GLIPR2: variants seen among roughly 807,000 people sequenced by gnomAD.
The protein encoded by GLIPR2 is GLI pathogenesis related 2, also known as Golgi-associated plant pathogenesis-related protein 1.
A neutral mutation model predicts 20.4 loss-of-function variants in GLIPR2; 21 were observed. That is an observed-to-expected ratio of 1.03 (90% CI 0.73 to 1.48). GLIPR2 has a LOEUF of 1.48. Ranked by LOEUF, GLIPR2 falls within the 40% of genes most tolerant of loss-of-function variation. The pLI, the probability that GLIPR2 is intolerant of heterozygous loss-of-function variation, is 0.00. For synonymous variants in GLIPR2, 91 were observed against 80.5 expected, an observed-to-expected ratio of 1.13 and a Z score of -0.70; for missense variants, 205 against 200.1, an observed-to-expected ratio of 1.02 and a Z score of -0.15.
At chr9:36,148,141 G>A (rs577324930) in intron 2 of GLIPR2, among the ~76,000 whole-genome samples, 1 of 152,104 alleles carries the variant, frequency 6.6e-6, no homozygotes, top group Non-Finnish European at 1.5e-5. Context: ...CCAGCTACTC[G>A]AGAGGCTGAG....
upstream of GLIPR2, chr9:36,136,654 G>T: frequency 1.5e-6 from 1 of 686,772 alleles, no homozygotes; most frequent in Non-Finnish European, 2.0e-6. This position sits in a 1 kb window ranked among gnomAD's most constrained non-coding sequence, Gnocchi z 4.3. Flanking sequence ...CTTATAAGGC[G>T]GGGGCCGGGC....
intron 1 of GLIPR2, among the ~76,000 whole-genome samples, chr9:36,138,152 T>C (rs951136197): frequency 6.6e-6 from 1 of 152,168 alleles, no homozygotes; most frequent in African/African-American, 2.4e-5. Flanking sequence ...TTTCGAGATA[T>C]CTGCTTGGGA....
intron 1 of GLIPR2, chr9:36,144,385 C>G (rs555230194): frequency 2.6e-5 from 4 of 152,200 alleles, no homozygotes; most frequent in Admixed American, 6.5e-5. Context: ...TGCAACAGAG[C>G]TCCACAACTT....
At chr9:36,150,194 A>C (rs1046700863) in intron 3 of GLIPR2, among the ~76,000 whole-genome samples, 7 of 152,214 alleles carry the variant, frequency 4.6e-5, no homozygotes, top group Admixed American at 3.9e-4. Flanking sequence ...TGGAAGCAGA[A>C]ATGCAGAATC....
At chr9:36,148,969 A>G (rs1476502035) in intron 3 of GLIPR2, among the ~76,000 whole-genome samples, 10 of 152,202 alleles carry the variant, frequency 6.6e-5, no homozygotes, top group Middle Eastern at 3.2e-3. Flanking sequence ...ACAGAATCTC[A>G]GCCTGATTCT....
chr9:36,143,060 G>A (rs1411120489), intron 1 of GLIPR2, among the ~76,000 whole-genome samples: 1 of 152,132 alleles, frequency 6.6e-6, no homozygotes, highest in Non-Finnish European at 1.5e-5. Context: ...TTGGACACAG[G>A]AACTTTCACT....
intron 4 of GLIPR2, among the ~76,000 whole-genome samples, chr9:36,152,160 C>A (rs1825613987): frequency 6.6e-6 from 1 of 152,192 alleles, no homozygotes; most frequent in Non-Finnish European, 1.5e-5. Flanking sequence ...TCTCCATTAA[C>A]CCCTGCAGGA....
Position 36,147,901 on chromosome 9 carries a change from C to T in GLIPR2, c.122+7C>T. ...TCAACCGGGAGGCTCAACAGTGAGTCCCCTAGCACATCCGGGTAACTTGGC... is the reference window on the plus strand; with the variant it reads ...TCAACCGGGAGGCTCAACAGTGAGTTCCCTAGCACATCCGGGTAACTTGGC... On this transcript the variant is annotated splice_region_variant and intron_variant, in intron 2 of 4. Coordinates refer to ENST00000377960, the MANE Select transcript of GLIPR2 (RefSeq NM_022343.4). The T allele has an allele frequency of 3.9e-6, 5 of 1,284,924 alleles. No homozygotes were observed. The highest frequency in any genetic ancestry group is 5.7e-6 in the Non-Finnish European group (5 of 879,832). The allele number at this position is 1,284,924 out of a possible 1,614,324, so 79.6% of individuals were successfully genotyped here.
chr9:36,154,155 C>G (rs1389779092), intron 4 of GLIPR2, among the ~76,000 whole-genome samples: 2 of 149,538 alleles, frequency 1.3e-5, no homozygotes, highest in East Asian at 4.0e-4. Flanking sequence ...AGTGCAGTGG[C>G]ACAATCTCGG....
At chr9:36,139,175 G>T (rs1459909889) in intron 1 of GLIPR2, among the ~76,000 whole-genome samples, 1 of 152,084 alleles carries the variant, frequency 6.6e-6, no homozygotes, top group Non-Finnish European at 1.5e-5. Context: ...CTGCACGATG[G>T]GATGATGGCT....
Position 36,157,253 on chromosome 9 carries a change from C to A in GLIPR2, c.305-5109C>A, listed in dbSNP as rs371277028. On this transcript the variant is annotated intron_variant, in intron 4 of 4. Coordinates refer to ENST00000377960, the MANE Select transcript of GLIPR2 (RefSeq NM_022343.4). ...CTATGTTGGCCAGGCTGGTCTCGAACTCCTGACCTCTTGATCTGCCCACCT... is the reference window on the plus strand; with the variant it reads ...CTATGTTGGCCAGGCTGGTCTCGAAATCCTGACCTCTTGATCTGCCCACCT... Among the ~76,000 whole-genome samples, 39 of 150,456 alleles carry A rather than the reference C, an allele frequency of 2.6e-4. 1 individual carries two copies. The South Asian group carries it at 8.0e-3, about 31-fold the overall frequency.
chr9:36,155,938 GGC>G (rs1825810001), intron 4 of GLIPR2, among the ~76,000 whole-genome samples: 1 of 151,990 alleles, frequency 6.6e-6, no homozygotes, highest in African/African-American at 2.4e-5. Context: ...GGCTGGGCAC[GGC>G]AGCTCACACC....
chr9:36,154,725 C>G (rs1825755725), intron 4 of GLIPR2, among the ~76,000 whole-genome samples: 1 of 152,190 alleles, frequency 6.6e-6, no homozygotes, highest in Admixed American at 6.5e-5. Flanking sequence ...TAGCTTAATT[C>G]CCTCTGTGCA....
At chr9:36,154,107 C>T (rs971758715) in intron 4 of GLIPR2, among the ~76,000 whole-genome samples, 4 of 145,880 alleles carry the variant, frequency 2.7e-5, no homozygotes, top group South Asian at 2.1e-4. Context: ...CTTTTCCCCC[C>T]CCCTTTGAGA....
rs1826123899 is a variant in GLIPR2 at position 36,162,915 on chromosome 9, C to CATGCGT, written c.*394_*399dup. ...AGTGAAGTTCATTTTATGTGATCTT[C>CATGCGT]ATGCGTCGTAATCTACTTTTGGTAG... On this transcript the variant is annotated 3_prime_UTR_variant, in exon 5 of 5. Coordinates refer to ENST00000377960, the MANE Select transcript of GLIPR2 (RefSeq NM_022343.4). 2.2e-6 allele frequency: 1 copy of CATGCGT among 457,962 alleles called. No individual in the cohort carries two copies. Among genetic ancestry groups the CATGCGT allele is most frequent in the Non-Finnish European group, 4.4e-6 (1 of 229,166 alleles). The allele number at this position is 457,962 out of a possible 1,614,324, so 28.4% of individuals were successfully genotyped here.
In GLIPR2 at chr9:36,154,097, CT is replaced by C. The variant is rs59655371; in HGVS notation, c.304+3152del. On this transcript the variant is annotated intron_variant, in intron 4 of 4. Transcript: ENST00000377960. ...TATATTATATATTATATATATATAT[CT>C]TTTCCCCCCCCCTTTGAGACCGAGT... 6.7e-3 allele frequency among the ~76,000 whole-genome samples: 753 copies of C among 112,050 alleles called. 9 individuals carry two copies. Among genetic ancestry groups the C allele is most frequent in the African/African-American group, 0.023 (703 of 31,214 alleles). 73.5% of individuals were successfully genotyped at this position (112,050 alleles called of 152,430 possible).
chr9:36,138,137 G>T (rs1007405924), intron 1 of GLIPR2, among the ~76,000 whole-genome samples: 1 of 152,210 alleles, frequency 6.6e-6, no homozygotes, highest in Non-Finnish European at 1.5e-5. Flanking sequence ...AGATGAGAGC[G>T]AGTCTTTCGA....
In GLIPR2 at chr9:36,162,601, C is replaced by T. The variant is rs967051000; in HGVS notation, c.*79C>T. 7 of 1,417,908 alleles carry T rather than the reference C, an allele frequency of 4.9e-6. No homozygotes were observed. The highest frequency in any genetic ancestry group is 1.9e-5 in the Admixed American group (1 of 51,486). 87.8% of individuals were successfully genotyped at this position (1,417,908 alleles called of 1,614,324 possible). A position where few individuals can be genotyped will look rare whatever the true frequency, so the allele number is the denominator to read the frequency against. ...CTAGAACCACCACAACCTGGCTGTG[C>T]GTCTGTCCCTGTGGGTGTATGTGCT... On this transcript the variant is annotated 3_prime_UTR_variant, in exon 5 of 5. Coordinates refer to ENST00000377960, the MANE Select transcript of GLIPR2 (RefSeq NM_022343.4).
intron 1 of GLIPR2, among the ~76,000 whole-genome samples, chr9:36,139,455 G>A (rs545951784): frequency 6.6e-6 from 1 of 152,168 alleles, no homozygotes; most frequent in Admixed American, 6.5e-5. Flanking sequence ...CTCTCCTAGG[G>A]TCCCTAAAAG....
Sources: gnomAD v4.1 joint callset for allele counts (sites outside exome capture counted in the v4.1 genomes callset) on GRCh38, gnomAD v4.1.1 for gene constraint, Gnocchi (gnomAD v3.1) non-coding constraint, MANE v1.5 for transcripts, NCBI Gene and HGNC (gene_info 2026-07-23, HGNC 2026-07-21) for gene names.